UNC13C: variants seen among roughly 807,000 people sequenced by gnomAD.
The protein encoded by UNC13C is unc-13 homolog C.
In UNC13C, 174 loss-of-function variants were observed where a neutral mutation model predicts 245.4. The ratio of observed to expected loss-of-function variants is 0.71; its 90% confidence interval spans 0.63 to 0.80. The LOEUF is 0.80. Ranked by LOEUF, UNC13C falls within the 30% of genes least tolerant of loss-of-function variation. The pLI is 0.00. For synonymous variants in UNC13C, 992 were observed against 895.1 expected (o/e 1.11, Z -1.93); for missense variants, 2,829 against 2,602.9 (o/e 1.09, Z -1.89).
rs563357012 is a variant in UNC13C, at chr15:54,086,661, C to G, written c.2984-56357C>G. On this transcript the variant is annotated intron_variant, in intron 2 of 32. Transcript: ENST00000260323. ...AAATCTGTTGAAATGCAGCAATGTGCTACCATGGAAATTGTCTTATTTGTT... is the reference window on the plus strand; with the variant it reads ...AAATCTGTTGAAATGCAGCAATGTGGTACCATGGAAATTGTCTTATTTGTT... 2.0e-5 allele frequency among the ~76,000 whole-genome samples: 3 copies of G among 150,984 alleles called. No individual in the cohort carries two copies. The East Asian group carries it at 5.8e-4, about 29-fold the overall frequency.
intron 1 of UNC13C, among the ~76,000 whole-genome samples, chr15:54,004,010 G>GAAAC (rs767279443): frequency 3.3e-5 from 5 of 152,004 alleles, no homozygotes; most frequent in Non-Finnish European, 5.9e-5. Flanking sequence ...GACTCCATCT[G>GAAAC]AAACAAACAA....
intron 2 of UNC13C, among the ~76,000 whole-genome samples, chr15:54,076,405 A>G (rs1202995371): frequency 6.6e-6 from 1 of 151,856 alleles, no homozygotes; most frequent in Non-Finnish European, 1.5e-5. Context: ...GATGGTTTCC[A>G]GTTTCATCCA....
chr15:53,852,542 T>G, the UNC13C span, among the ~76,000 whole-genome samples: 3 of 152,118 alleles, frequency 2.0e-5, no homozygotes, highest in East Asian at 5.8e-4. Context: ...TCTCTGCATA[T>G]TCTATATCTG....
intron 10 of UNC13C, among the ~76,000 whole-genome samples, chr15:54,269,052 T>C (rs1405855935): frequency 6.6e-6 from 1 of 150,490 alleles, no homozygotes; most frequent in East Asian, 1.9e-4. Flanking sequence ...TTTTAATTTT[T>C]TATTTTATTT....
chr15:54,097,574 A>G (rs1331773925), intron 2 of UNC13C, among the ~76,000 whole-genome samples: 1 of 152,214 alleles, frequency 6.6e-6, no homozygotes, highest in Non-Finnish European at 1.5e-5. Flanking sequence ...GTTATTTTCT[A>G]GAAAGAAAAT....
At chr15:54,076,196 G>A (rs144106906) in intron 2 of UNC13C, among the ~76,000 whole-genome samples, 18,819 of 147,352 alleles carry the variant, frequency 0.13, 1,376 homozygotes, top group South Asian at 0.21. Flanking sequence ...CCATGCTGGT[G>A]CGCTGCACCC....
intron 10 of UNC13C, among the ~76,000 whole-genome samples, chr15:54,281,756 G>A (rs1275809139): frequency 6.6e-6 from 1 of 152,164 alleles, no homozygotes. Context: ...TATGAGGTAG[G>A]TATCATTATT....
intron 19 of UNC13C, among the ~76,000 whole-genome samples, chr15:54,482,313 T>G (rs1373226258): frequency 3.9e-5 from 6 of 152,092 alleles, no homozygotes; most frequent in Non-Finnish European, 8.8e-5. Flanking sequence ...TAGCACAATA[T>G]TGCTGCTGTT....
chr15:54,625,227 A>G (rs1211621890), intron 32 of UNC13C, among the ~76,000 whole-genome samples: 4 of 152,048 alleles, frequency 2.6e-5, no homozygotes, highest in Admixed American at 6.6e-5. Context: ...CTCACTGCCA[A>G]CCTCTTGATG....
At chr15:54,250,684 A>G (rs146541657) in intron 8 of UNC13C, among the ~76,000 whole-genome samples, 30 of 150,830 alleles carry the variant, frequency 2.0e-4, no homozygotes, top group African/African-American at 6.6e-4. Context: ...TTGCACTCTC[A>G]TCCAGCATAA....
At chr15:53,998,614 G>A (rs1048677259) in intron 1 of UNC13C, among the ~76,000 whole-genome samples, 4 of 151,802 alleles carry the variant, frequency 2.6e-5, no homozygotes, top group African/African-American at 9.7e-5. Context: ...TCATTGTTTT[G>A]CCTTATTGAC....
chr15:54,542,345 T>G (rs56313318), intron 26 of UNC13C, among the ~76,000 whole-genome samples: 5,647 of 152,238 alleles, frequency 0.037, 314 homozygotes, highest in African/African-American at 0.13. Flanking sequence ...CTAATTTGAT[T>G]GCACTGTGGT....
chr15:53,872,796 A>T, the UNC13C span, among the ~76,000 whole-genome samples: 14 of 152,260 alleles, frequency 9.2e-5, no homozygotes, highest in African/African-American at 3.1e-4. Context: ...TCCTTCCAAA[A>T]TCCTCTCTCA....
intron 30 of UNC13C, among the ~76,000 whole-genome samples, chr15:54,586,607 T>A (rs1253996334): frequency 6.6e-6 from 1 of 152,208 alleles, no homozygotes; most frequent in East Asian, 1.9e-4. Flanking sequence ...GTGGGGCTTT[T>A]ACAAACAAAT....
intron 19 of UNC13C, among the ~76,000 whole-genome samples, chr15:54,464,680 G>A (rs914779075): frequency 1.3e-5 from 2 of 152,010 alleles, no homozygotes; most frequent in African/African-American, 2.4e-5. Flanking sequence ...TTAGATTCCC[G>A]ATAGCAGTCA....
At chr15:54,475,285 TTATTATTATTATTATTATTATTA>T (rs1892670045) in intron 19 of UNC13C, among the ~76,000 whole-genome samples, 1 of 103,652 alleles carries the variant, frequency 9.6e-6, no homozygotes. Context: ...TTTTTGTTTA[TTATTATTATTATTATTATTATTA>T]TTATTATTAT....
At chr15:54,484,963 G>A (rs74734557) in intron 19 of UNC13C, among the ~76,000 whole-genome samples, 5,013 of 152,022 alleles carry the variant, frequency 0.033, 183 homozygotes, top group Admixed American at 0.12. Flanking sequence ...ACTTGAAACT[G>A]ATTATTTATG....
chr15:54,109,069 C>G (rs933575452), intron 2 of UNC13C, among the ~76,000 whole-genome samples: 2 of 152,058 alleles, frequency 1.3e-5, no homozygotes, highest in African/African-American at 4.8e-5. Context: ...AGTTTACTCA[C>G]TTTCTCTCTA....
chr15:54,328,965 T>G (rs1240606537), intron 14 of UNC13C, among the ~76,000 whole-genome samples: 1 of 152,050 alleles, frequency 6.6e-6, no homozygotes, highest in African/African-American at 2.4e-5. Flanking sequence ...TGTGCTATAG[T>G]GTCAGACTGA....
Sources: allele counts gnomAD v4.1 joint callset (sites outside exome capture counted in the v4.1 genomes callset), GRCh38; gene constraint gnomAD v4.1.1; transcripts MANE v1.5; gene names NCBI Gene and HGNC (gene_info 2026-07-23, HGNC 2026-07-21).